SLC28A2: variants seen among roughly 807,000 people sequenced by gnomAD.
SLC28A2 encodes sodium/nucleoside cotransporter 2.
SLC28A2 carries 69 observed loss-of-function variants against 72.9 expected under a neutral mutation model. The ratio of observed to expected loss-of-function variants is 0.95; its 90% CI spans 0.78 to 1.16. SLC28A2 has a LOEUF of 1.16. Among genes scored for constraint, SLC28A2 ranks in the 50% most tolerant of loss-of-function variants. The pLI, the probability that SLC28A2 is intolerant of heterozygous loss-of-function variation, is 0.00. For synonymous variants in SLC28A2, 296 were observed against 294.1 expected (o/e 1.01, Z -0.07); for missense variants, 745 against 791.1 (o/e 0.94, Z 0.70).
intron 3 of SLC28A2, 27 bp from the exon 4 acceptor site, chr15:45,261,988 G>A: frequency 2.1e-6 from 3 of 1,449,826 alleles, no homozygotes; most frequent in Admixed American, 1.7e-5. Context: ...AGTAATTCTT[G>A]TATCTTAACT....
chr15:45,269,183 A>C lies in SLC28A2; in HGVS notation c.1369-155A>C, dbSNP rs574784769. On this transcript the variant is annotated intron_variant, in intron 13 of 17. Coordinates refer to ENST00000347644, the MANE Select transcript of SLC28A2 (RefSeq NM_004212.4). ...AAAGTATAATAATAATAAAAAAAAA[A>C]CAACCATGCATGTCCTTCTGACCCA... Among the ~76,000 whole-genome samples, 9 of 152,134 alleles carry C rather than the reference A, an allele frequency of 5.9e-5. No individual in the cohort carries two copies. In the South Asian group the frequency reaches 1.0e-3, roughly 18 times the overall value.
At chr15:45,269,752 C>A (rs1265030831) in intron 14 of SLC28A2, among the ~76,000 whole-genome samples, 1 of 152,214 alleles carries the variant, frequency 6.6e-6, no homozygotes, top group Non-Finnish European at 1.5e-5. Flanking sequence ...CTGCCACCCC[C>A]ACCACTGCCC....
Position 45,277,255 on chromosome 15 carries a change from G to T in SLC28A2, c.*1742G>T, listed in dbSNP as rs1442600550. The T allele has an allele frequency of 6.6e-6, 1 of 150,604 alleles. No homozygotes were observed. Among genetic ancestry groups the T allele is most frequent in the African/African-American group, 2.4e-5 (1 of 41,116 alleles). The allele number at this position is 150,604 out of a possible 1,614,324, so 9.3% of individuals were successfully genotyped here. On this transcript the variant is annotated 3_prime_UTR_variant, in exon 18 of 18. Coordinates refer to ENST00000347644, the MANE Select transcript of SLC28A2 (RefSeq NM_004212.4). ...ATTAATATTATAGCCTTAAGGAAGGGTTTCAAAAGGATACAGGAGTTCCTC... is the reference window on the plus strand; with the variant it reads ...ATTAATATTATAGCCTTAAGGAAGGTTTTCAAAAGGATACAGGAGTTCCTC...
intron 8 of SLC28A2, 95 bp downstream of exon 8, chr15:45,265,261 T>A: frequency 1.2e-6 from 1 of 858,418 alleles, no homozygotes; most frequent in South Asian, 1.3e-5. Flanking sequence ...TCAGCGCCCC[T>A]GTATACCAAT....
chr15:45,266,001 A>G, intron 9 of SLC28A2, 80 bp from the exon 10 acceptor site: 1 of 1,027,332 alleles, frequency 9.7e-7, no homozygotes, highest in Non-Finnish European at 1.5e-6. Flanking sequence ...TTATCAGTAA[A>G]GTGGAGGAGG....
intron 3 of SLC28A2, chr15:45,255,383 T>G (rs1899946319): frequency 6.6e-6 from 1 of 152,232 alleles, no homozygotes; most frequent in South Asian, 2.1e-4. Context: ...AAAGATAAGG[T>G]AGTAAATATT....
intron 3 of SLC28A2, among the ~76,000 whole-genome samples, chr15:45,255,734 A>G (rs1193278123): frequency 6.6e-6 from 1 of 152,240 alleles, no homozygotes; most frequent in Non-Finnish European, 1.5e-5. Context: ...GCAGACATGA[A>G]TAACTTCATG....
chr15:45,267,709 CT>C lies in SLC28A2; in HGVS notation c.1114del (p.Cys372ValfsTer8). On this transcript the variant is annotated frameshift_variant, in exon 12 of 18. Coordinates refer to ENST00000347644, the MANE Select transcript of SLC28A2 (RefSeq NM_004212.4). LOFTEE classifies it high-confidence loss of function. ...ATTTCTGCCTCTGTGATGGCCGCCC[CT>C]TGTGCTCTCGCCTCATCAAAGCTAG... The part of the protein sequence containing the change: ...SLISASVMAA[P>X]CALASSKLAY... 6.2e-7 allele frequency: 1 copy of C among 1,614,080 alleles called. No individual in the cohort carries two copies.
At position 45,262,126 on chromosome 15, in the gene SLC28A2, T is replaced by C. The variant is rs1333359505; in HGVS notation, c.262+20T>C. The C allele has an allele frequency of 2.0e-6, 3 of 1,527,434 alleles. No individual in the cohort carries two copies. The highest frequency in any genetic ancestry group is 1.7e-5 in the Admixed American group (1 of 59,334). 94.6% of individuals were successfully genotyped at this position (1,527,434 alleles called of 1,614,324 possible). A position where few individuals can be genotyped will look rare whatever the true frequency, so the allele number is the denominator to read the frequency against. Reference sequence around the variant, plus strand: ...GTTTGGGTGAGATATTGAGAATTCATGAAAGTGAGAAACACAGTTATTTTA... The same window carrying C: ...GTTTGGGTGAGATATTGAGAATTCACGAAAGTGAGAAACACAGTTATTTTA... On this transcript the variant is annotated intron_variant, in intron 4 of 17. Coordinates refer to ENST00000347644, the MANE Select transcript of SLC28A2 (RefSeq NM_004212.4).
Position 45,276,484 on chromosome 15 carries a change from A to AATG in SLC28A2, c.*973_*974insGAT, listed in dbSNP as rs2140590172. The AATG allele has an allele frequency of 6.6e-6, 1 of 151,366 alleles. No individual in the cohort carries two copies. The highest frequency in any genetic ancestry group is 6.6e-5 in the Admixed American group (1 of 15,142). The allele number at this position is 151,366 out of a possible 1,614,324, so 9.4% of individuals were successfully genotyped here. The stretch of plus-strand genomic sequence containing the variant: ...ACCCTAAAACTTAAAGTATAATAAT[A>AATG]ATAATAAAAGAAAAAACTTCATAAA... On this transcript the variant is annotated 3_prime_UTR_variant, in exon 18 of 18. Coordinates refer to ENST00000347644, the MANE Select transcript of SLC28A2 (RefSeq NM_004212.4).
chr15:45,262,133 G>T, intron 4 of SLC28A2, 27 bp downstream of exon 4: 1 of 1,488,200 alleles, frequency 6.7e-7, no homozygotes, highest in South Asian at 1.1e-5. Flanking sequence ...TCATGAAAGT[G>T]AGAAACACAG....
At chr15:45,252,307 G>T (rs1441187419) in intron 1 of SLC28A2, 29 bp downstream of exon 1, 2 of 455,878 alleles carry the variant, frequency 4.4e-6, no homozygotes, top group East Asian at 1.4e-4. Context: ...GGGAGGGCAG[G>T]TGCCTAATTT....
intron 7 of SLC28A2, 33 bp from the exon 8 acceptor site, chr15:45,265,055 CT>C: frequency 6.6e-7 from 1 of 1,513,184 alleles, no homozygotes; most frequent in Non-Finnish European, 9.2e-7. Flanking sequence ...GGGTTTCATT[CT>C]TATTCTCTGT....
In SLC28A2 at chr15:45,269,338, G is replaced by A. The variant is rs778724207; in HGVS notation, c.1369G>A (p.Val457Ile). ...CCTGTGATATCTCTCTTTCACTCAG[G>A]TCATCTGCTCCTATCTCCTAAGGCC... ...LVDIQGLTFQ[V>I]ICSYLLRPMV... is the part of the protein sequence containing the mutation. The change falls in exon 14 of 18, where the codon GTC (valine) becomes ATC (isoleucine). Residue 457 changes from valine to isoleucine, a missense_variant and splice_region_variant. Physicochemically the swap from Val to Ile is conservative, Grantham distance 29. Transcript: ENST00000347644. 2.5e-6 allele frequency: 4 copies of A among 1,613,158 alleles called. No individual in the cohort carries two copies. Among genetic ancestry groups the A allele is most frequent in the South Asian group, 1.1e-5 (1 of 91,028 alleles).
In SLC28A2 at chr15:45,260,042, G is replaced by T. The variant is rs571883132; in HGVS notation, c.171-1973G>T. Among the ~76,000 whole-genome samples, 2 of 152,290 alleles carry T rather than the reference G, an allele frequency of 1.3e-5. 1 individual carries two copies. Among genetic ancestry groups the T allele is most frequent in the Admixed American group, 1.3e-4 (2 of 15,294 alleles). On this transcript the variant is annotated intron_variant, in intron 3 of 17. Transcript: ENST00000347644. ...TACTTAAATTAAGATAATTATAGGA[G>T]AATTTATTTACAAAGAGACCATTAC...
At chr15:45,254,411 CTATGTTTAGA>C (rs1393203256) in intron 3 of SLC28A2, among the ~76,000 whole-genome samples, 1 of 152,114 alleles carries the variant, frequency 6.6e-6, no homozygotes, top group African/African-American at 2.4e-5. Flanking sequence ...TGTGCCTTTT[CTATGTTTAGA>C]TATGTTTAGA....
At chr15:45,262,994 C>G in intron 4 of SLC28A2, 67 bp from the exon 5 acceptor site, 1 of 1,373,934 alleles carries the variant, frequency 7.3e-7, no homozygotes, top group Non-Finnish European at 1.0e-6. Context: ...GCATTCATGA[C>G]TGGAGTTTCA....
At chr15:45,260,431 T>A (rs958854551) in intron 3 of SLC28A2, among the ~76,000 whole-genome samples, 6 of 152,198 alleles carry the variant, frequency 3.9e-5, no homozygotes, top group African/African-American at 1.4e-4. Context: ...AATTCATTCC[T>A]TGATATACTT....
At chr15:45,270,115 A>T (rs1900499553) in intron 14 of SLC28A2, 80 bp from the exon 15 acceptor site, 1 of 939,924 alleles carries the variant, frequency 1.1e-6, no homozygotes, top group South Asian at 1.3e-5. Context: ...GGCTGTCAGT[A>T]CTCTGGAACT....
Sources: allele counts gnomAD v4.1 joint callset (sites outside exome capture counted in the v4.1 genomes callset), GRCh38; gene constraint gnomAD v4.1.1; transcripts MANE v1.5; gene names NCBI Gene and HGNC (gene_info 2026-07-23, HGNC 2026-07-21).